The following ABCD2 variants were observed in gnomAD, a reference collection of about 807,000 sequenced individuals.
The protein encoded by ABCD2 is ATP binding cassette subfamily D member 2.
ABCD2 carries 36 observed loss-of-function variants against 70.9 expected under a neutral mutation model. That is an observed-to-expected ratio of 0.51 (90% CI 0.39 to 0.67). The LOEUF (loss-of-function observed/expected upper bound fraction) is 0.67. Among genes scored for constraint, ABCD2 ranks in the 30% least tolerant of loss-of-function variants. The pLI is 0.00. For missense variants in ABCD2, 729 were observed against 890.2 expected (o/e 0.82, Z 2.30); for synonymous variants, 304 against 306.9 (o/e 0.99, Z 0.10).
intron 6 of ABCD2, among the ~76,000 whole-genome samples, chr12:39,598,050 A>T (rs1247868217): frequency 6.6e-6 from 1 of 152,198 alleles, no homozygotes; most frequent in African/African-American, 2.4e-5. Flanking sequence ...GATTTGGTGA[A>T]AAAAATAAAT....
intron 6 of ABCD2, among the ~76,000 whole-genome samples, chr12:39,599,857 T>C (rs764508708): frequency 7.2e-5 from 11 of 152,196 alleles, no homozygotes; most frequent in Non-Finnish European, 1.6e-4. Flanking sequence ...CTATGGGATG[T>C]CTATGTATCC....
the ABCD2 span, among the ~76,000 whole-genome samples, chr12:39,534,697 A>AGGAT: frequency 1.3e-3 from 63 of 49,242 alleles, 2 homozygotes; most frequent in East Asian, 0.019. Flanking sequence ...GAAGGAAGGA[A>AGGAT]GGACGGAAGG....
chr12:39,590,537 A>C (rs937624726), intron 6 of ABCD2, among the ~76,000 whole-genome samples: 14 of 151,842 alleles, frequency 9.2e-5, no homozygotes, highest in Non-Finnish European at 2.1e-4. Flanking sequence ...TATTTAAACA[A>C]TTATAATAAT....
chr12:39,594,838 G>C (rs931296156), intron 6 of ABCD2, among the ~76,000 whole-genome samples: 11 of 152,038 alleles, frequency 7.2e-5, no homozygotes, highest in Admixed American at 5.9e-4. Context: ...TCTGGGTTTC[G>C]TGGTGGGCGC....
rs1592003379 is a variant in ABCD2, at chr12:39,619,219, T to G, written c.397A>C (p.Lys133Gln). ...YVAGLDGKIVKSIVEKKPRTF... is the reference protein window; with the variant it reads ...YVAGLDGKIVQSIVEKKPRTF... ...CGAGGCTTCTTTTCCACAATGCTTT[T>G]CACGATTTTTCCATCCAGACCAGCC... Residue 133 changes from lysine (K) to glutamine (Q), a missense_variant, in exon 1 of 10, where the codon AAA becomes CAA. By Grantham distance (53) the Lys-to-Gln change is moderately conservative. This residue lies in a region of ABCD2 where 245 missense variants were observed against 261.2 expected (regional missense o/e 0.94). Transcript: ENST00000308666. The G allele has an allele frequency of 6.2e-7, 1 of 1,614,174 alleles. No individual in the cohort carries two copies. Among genetic ancestry groups the G allele is most frequent in the East Asian group, 2.2e-5 (1 of 44,890 alleles).
chr12:39,571,374 T>C (rs376647757), intron 9 of ABCD2, among the ~76,000 whole-genome samples: 7 of 152,152 alleles, frequency 4.6e-5, no homozygotes, highest in African/African-American at 7.2e-5. Context: ...CATGATGGAA[T>C]ACTACTCCAC....
intron 7 of ABCD2, among the ~76,000 whole-genome samples, chr12:39,585,095 G>A (rs1941647667): frequency 6.6e-6 from 1 of 152,254 alleles, no homozygotes; most frequent in Non-Finnish European, 1.5e-5. Context: ...CATTGAATAT[G>A]TAAATTGCTT....
chr12:39,611,206 AG>A (rs1449310154), intron 2 of ABCD2, among the ~76,000 whole-genome samples: 2 of 152,188 alleles, frequency 1.3e-5, no homozygotes, highest in Non-Finnish European at 2.9e-5. Context: ...TACATCACAA[AG>A]AGTGAAGCCT....
chr12:39,542,689 T>A, the ABCD2 span, among the ~76,000 whole-genome samples: 1 of 152,096 alleles, frequency 6.6e-6, no homozygotes, highest in South Asian at 2.1e-4. Context: ...CAAGAAGATG[T>A]CATGGATGAG....
At chr12:39,534,390 T>C in the ABCD2 span, among the ~76,000 whole-genome samples, 2 of 152,250 alleles carry the variant, frequency 1.3e-5, no homozygotes, top group Non-Finnish European at 2.9e-5. Flanking sequence ...ATCTGGAATG[T>C]CATTTTCCCC....
intron 8 of ABCD2, 21 bp from the exon 9 acceptor site, chr12:39,573,862 AAATT>A (rs1317531743): frequency 6.2e-6 from 10 of 1,603,918 alleles, no homozygotes; most frequent in Non-Finnish European, 8.5e-6. Flanking sequence ...GTACACACAA[AAATT>A]AATTATTTTG....
downstream of ABCD2, among the ~76,000 whole-genome samples, chr12:39,547,955 A>G (rs542911372): frequency 6.6e-6 from 1 of 152,168 alleles, no homozygotes; most frequent in South Asian, 2.1e-4. Context: ...ATATATGTAT[A>G]GAAGGTCCCT....
chr12:39,618,342 T>C (rs1479736606), intron 1 of ABCD2, among the ~76,000 whole-genome samples: 1 of 152,216 alleles, frequency 6.6e-6, no homozygotes, highest in Non-Finnish European at 1.5e-5. Flanking sequence ...TGGTAGGTGC[T>C]TTAGGATGAC....
chr12:39,597,043 T>C (rs1387685565), intron 6 of ABCD2, among the ~76,000 whole-genome samples: 2 of 152,186 alleles, frequency 1.3e-5, no homozygotes, highest in East Asian at 1.9e-4. Flanking sequence ...TTTTTATTCA[T>C]GGTGGGTTGA....
chr12:39,543,045 T>C, the ABCD2 span, among the ~76,000 whole-genome samples: 4 of 152,358 alleles, frequency 2.6e-5, no homozygotes, highest in East Asian at 5.8e-4. Flanking sequence ...ACTCAGCTGC[T>C]CTTTTCCACA....
At chr12:39,540,623 T>C in the ABCD2 span, among the ~76,000 whole-genome samples, 6 of 152,200 alleles carry the variant, frequency 3.9e-5, no homozygotes, top group Admixed American at 2.0e-4. Flanking sequence ...ATAGGAAACA[T>C]TTGTCATCTA....
intron 6 of ABCD2, among the ~76,000 whole-genome samples, chr12:39,589,253 C>T (rs1941709349): frequency 6.6e-6 from 1 of 151,966 alleles, no homozygotes; most frequent in Admixed American, 6.6e-5. Flanking sequence ...ATAGACAGCA[C>T]AAGCTTATTT....
chr12:39,592,502 T>C (rs1022270667), intron 6 of ABCD2, among the ~76,000 whole-genome samples: 8 of 152,224 alleles, frequency 5.3e-5, no homozygotes, highest in Non-Finnish European at 1.0e-4. Flanking sequence ...GACATGTGGT[T>C]GCCTTTTCTA....
intron 5 of ABCD2, among the ~76,000 whole-genome samples, chr12:39,601,186 C>T (rs1207856262): frequency 6.6e-6 from 1 of 151,998 alleles, no homozygotes; most frequent in East Asian, 1.9e-4. Flanking sequence ...TAATTTTACA[C>T]TTCAGCAGTC....
Sources: allele counts gnomAD v4.1 joint callset (sites outside exome capture counted in the v4.1 genomes callset), GRCh38; gene constraint gnomAD v4.1.1; regional missense constraint gnomAD v4.1.1; transcripts MANE v1.5; gene names NCBI Gene and HGNC (gene_info 2026-07-23, HGNC 2026-07-21).